The following BCAS3 variants were observed in gnomAD, a reference collection of about 807,000 sequenced individuals.
BCAS3 encodes the protein BCAS4/BCAS3 fusion.
In BCAS3, 53 loss-of-function variants were observed where a neutral mutation model predicts 116.1. The ratio of observed to expected loss-of-function variants is 0.46; its 90% confidence interval spans 0.37 to 0.57. The LOEUF (loss-of-function observed/expected upper bound fraction) is 0.57, where lower values mean the gene tolerates loss of function less well. Among genes scored for constraint, BCAS3 ranks in the 20% least tolerant of loss-of-function variants. BCAS3 has a pLI of 0.00. For synonymous variants in BCAS3, 391 were observed against 408.2 expected (o/e 0.96, Z 0.51); for missense variants, 917 against 1,165.4 (o/e 0.79, Z 3.10).
chr17:60,977,382 T>C lies in BCAS3; in HGVS notation c.1222-12589T>C, dbSNP rs527920779. Among the ~76,000 whole-genome samples the C allele has an allele frequency of 5.3e-5, 8 of 152,190 alleles. No homozygotes were observed. In the South Asian group the frequency reaches 1.7e-3, roughly 32 times the overall value. On this transcript the variant is annotated intron_variant, in intron 14 of 23. Transcript: ENST00000407086. ...TCTTTTTGTAGACACAAGGTTTCAC[T>C]GTGTTGTCCAGGCTTATCTCTCTGG...
chr17:61,202,394 C>T (rs2080891827), intron 22 of BCAS3, among the ~76,000 whole-genome samples: 1 of 152,040 alleles, frequency 6.6e-6, no homozygotes, highest in South Asian at 2.1e-4. Flanking sequence ...AGGATTTTAA[C>T]CCAAGATCTG....
At chr17:60,919,514 G>A (rs993730903) in intron 12 of BCAS3, among the ~76,000 whole-genome samples, 25 of 152,016 alleles carry the variant, frequency 1.6e-4, no homozygotes, top group African/African-American at 5.1e-4. Flanking sequence ...TAGTAGAGAC[G>A]AGGTTTCACC....
intron 15 of BCAS3, among the ~76,000 whole-genome samples, chr17:60,999,423 C>T (rs996622069): frequency 2.6e-5 from 4 of 151,756 alleles, no homozygotes; most frequent in Non-Finnish European, 5.9e-5. Flanking sequence ...CACCTGTAAT[C>T]CCAGCTACTC....
chr17:60,799,853 C>G (rs564240759), intron 6 of BCAS3, among the ~76,000 whole-genome samples: 3 of 151,144 alleles, frequency 2.0e-5, no homozygotes, highest in South Asian at 4.2e-4. Context: ...AATGAGACAC[C>G]GTGCCTGGCT....
At chr17:60,776,516 C>T (rs1824172358) in intron 6 of BCAS3, among the ~76,000 whole-genome samples, 2 of 151,804 alleles carry the variant, frequency 1.3e-5, no homozygotes, top group South Asian at 2.1e-4. Flanking sequence ...GTCAGGAGTT[C>T]GAGACTAGCC....
intron 21 of BCAS3, among the ~76,000 whole-genome samples, chr17:61,080,652 C>T (rs991915621): frequency 1.3e-5 from 2 of 151,982 alleles, no homozygotes; most frequent in African/African-American, 2.4e-5. Flanking sequence ...CCCAGCTACT[C>T]GGGAGGCTGC....
chr17:60,858,196 T>G (rs918440333), intron 7 of BCAS3, among the ~76,000 whole-genome samples: 1 of 152,200 alleles, frequency 6.6e-6, no homozygotes, highest in Admixed American at 6.5e-5. Context: ...AAGTTCAGGC[T>G]TATACAAGAT....
intron 22 of BCAS3, among the ~76,000 whole-genome samples, chr17:61,246,923 G>A (rs2144528356): frequency 6.6e-6 from 1 of 151,656 alleles, no homozygotes; most frequent in East Asian, 1.9e-4. Context: ...TGTTTAATTT[G>A]TTTTTTCATA....
At chr17:61,018,817 CAGA>C (rs779564272) in intron 16 of BCAS3, among the ~76,000 whole-genome samples, 36 of 152,100 alleles carry the variant, frequency 2.4e-4, no homozygotes, top group Non-Finnish European at 4.0e-4. Flanking sequence ...GTACAGTTAT[CAGA>C]AGAAGAGACC....
In BCAS3 at chr17:61,295,161, T is replaced by C. The variant is rs576061996; in HGVS notation, c.2426-73166T>C. 5.9e-5 allele frequency among the ~76,000 whole-genome samples: 9 copies of C among 152,338 alleles called. No homozygotes were observed. In the East Asian group the frequency reaches 1.7e-3, roughly 29 times the overall value. On this transcript the variant is annotated intron_variant, in intron 22 of 23. Coordinates refer to ENST00000407086, the MANE Select transcript of BCAS3 (RefSeq NM_017679.5). ...AGCCCTTGGAGGGTATGCTCCCTAA[T>C]AAGCTGCCCCAGAGAGGCAGTCCAG...
rs1452387185 is a variant in BCAS3, at chr17:60,995,802, A to G, written c.1486+5567A>G. Among the ~76,000 whole-genome samples, 1 of 152,182 alleles carries G rather than the reference A, an allele frequency of 6.6e-6. No homozygotes were observed. The highest frequency in any genetic ancestry group is 2.4e-5 in the African/African-American group (1 of 41,442). ...TCCAGGCACTGTTCTGAGTTTAGGA[A>G]TTTAGCAGTGAACAAAAGAGAAACA... On this transcript the variant is annotated intron_variant, in intron 15 of 23. Coordinates refer to ENST00000407086, the MANE Select transcript of BCAS3 (RefSeq NM_017679.5). The surrounding 1 kb of genome is among the most constrained non-coding windows in gnomAD (Gnocchi z 4.7).
chr17:61,167,031 G>C (rs1368175437), intron 22 of BCAS3, among the ~76,000 whole-genome samples: 1 of 152,204 alleles, frequency 6.6e-6, no homozygotes, highest in Non-Finnish European at 1.5e-5. Flanking sequence ...ACAGGCAGGA[G>C]CTACCACGCC....
Position 60,713,166 on chromosome 17 carries a change from C to T in BCAS3, c.321+3841C>T, listed in dbSNP as rs1446886107. 3.9e-5 allele frequency among the ~76,000 whole-genome samples: 6 copies of T among 152,170 alleles called. No homozygotes were observed. In the East Asian group the frequency reaches 7.7e-4, roughly 20 times the overall value. ...GGAGAACACCAGAAAGTCCTTGGTT[C>T]TGAGGACTTCTGAGGCCTTTTAATT... On this transcript the variant is annotated intron_variant, in intron 5 of 23. Transcript: ENST00000407086.
intron 20 of BCAS3, among the ~76,000 whole-genome samples, chr17:61,075,824 C>T (rs1221493681): frequency 2.0e-5 from 3 of 152,168 alleles, no homozygotes; most frequent in Non-Finnish European, 4.4e-5. Context: ...GGTTTCCTTT[C>T]CTAAGCCCAT....
chr17:60,735,508 C>T (rs1203050302), intron 5 of BCAS3, among the ~76,000 whole-genome samples: 2 of 152,034 alleles, frequency 1.3e-5, no homozygotes, highest in Admixed American at 1.3e-4. Context: ...GGCTTGAGTG[C>T]AGTGGCACGA....
chr17:60,997,336 CA>C (rs2063909818), intron 15 of BCAS3, among the ~76,000 whole-genome samples: 1 of 152,144 alleles, frequency 6.6e-6, no homozygotes, highest in African/African-American at 2.4e-5. Context: ...CTTTTGGTGG[CA>C]TGGTAAGTTC....
Position 61,285,231 on chromosome 17 carries a change from TTGTG to T in BCAS3, c.2426-83072_2426-83069del, listed in dbSNP as rs371178241. Among the ~76,000 whole-genome samples, 19 of 140,056 alleles carry T rather than the reference TTGTG, an allele frequency of 1.4e-4. No individual in the cohort carries two copies. Among genetic ancestry groups the T allele is most frequent in the Admixed American group, 1.1e-3 (16 of 14,310 alleles). The allele number at this position is 140,056 out of a possible 152,430, so 91.9% of individuals were successfully genotyped here. Reference sequence around the variant, plus strand: ...GTTTTGCTTTTCCCCTCCTCCTAGGTTGTGTGTGTGTGTGTGTGTGTGTGTGTTT... The same window carrying T: ...GTTTTGCTTTTCCCCTCCTCCTAGGTTGTGTGTGTGTGTGTGTGTGTGTTT... On this transcript the variant is annotated intron_variant, in intron 22 of 23. Coordinates refer to ENST00000407086, the MANE Select transcript of BCAS3 (RefSeq NM_017679.5). The surrounding 1 kb of genome is among the most constrained non-coding windows in gnomAD (Gnocchi z 5.4).
In BCAS3 at chr17:60,677,877, C is replaced by T. The variant is rs2032214523; in HGVS notation, c.-43C>T. On this transcript the variant is annotated 5_prime_UTR_variant, in exon 1 of 24. Transcript: ENST00000407086. ...CTCGGGGAGACTCCAAACAGTGAGC[C>T]TAGAGCTGGAGACTAGCGTTAACCG... The T allele has an allele frequency of 6.5e-6, 1 of 153,516 alleles. No homozygotes were observed. The allele number at this position is 153,516 out of a possible 1,614,324, so 9.5% of individuals were successfully genotyped here.
intron 8 of BCAS3, among the ~76,000 whole-genome samples, chr17:60,871,097 C>T (rs561634878): frequency 6.6e-6 from 1 of 152,214 alleles, no homozygotes; most frequent in African/African-American, 2.4e-5. Context: ...TGTAATATTC[C>T]TACGTTGCTA....
Sources: allele counts gnomAD v4.1 joint callset (sites outside exome capture counted in the v4.1 genomes callset), GRCh38; gene constraint gnomAD v4.1.1; non-coding constraint Gnocchi (gnomAD v3.1); transcripts MANE v1.5; gene names NCBI Gene and HGNC (gene_info 2026-07-23, HGNC 2026-07-21).